Variants in MBNL2 observed in about 807,000 individuals in gnomAD.
MBNL2 encodes the protein muscleblind-like protein 2.
A neutral mutation model predicts 41.9 loss-of-function variants in MBNL2; 17 were observed. The ratio of observed to expected loss-of-function variants is 0.41; its 90% CI spans 0.28 to 0.61. The LOEUF (loss-of-function observed/expected upper bound fraction) is 0.61. Ranked by LOEUF, MBNL2 falls within the 20% of genes least tolerant of loss-of-function variation. The pLI, the probability that MBNL2 is intolerant of heterozygous loss-of-function variation, is 0.35. For missense variants in MBNL2, 336 were observed against 505.6 expected (o/e 0.66, Z 3.22); for synonymous variants, 195 against 182.9 (o/e 1.07, Z -0.53).
chr13:97,351,245 G>A (rs2062422383), intron 5 of MBNL2, among the ~76,000 whole-genome samples: 1 of 152,168 alleles, frequency 6.6e-6, no homozygotes, highest in Non-Finnish European at 1.5e-5. Flanking sequence ...AAACCATGTT[G>A]TAAATACATA....
intron 8 of MBNL2, among the ~76,000 whole-genome samples, chr13:97,382,648 A>G (rs2065567894): frequency 6.6e-6 from 1 of 150,558 alleles, no homozygotes; most frequent in African/African-American, 2.4e-5. Context: ...ATTTCTCTTG[A>G]TGCCATGGTT....
the MBNL2 span, among the ~76,000 whole-genome samples, chr13:97,171,777 T>C: frequency 6.6e-6 from 1 of 152,200 alleles, no homozygotes; most frequent in Non-Finnish European, 1.5e-5. Context: ...TCTTGAATTG[T>C]AGCTCCCATA....
At chr13:97,330,869 AG>A in intron 2 of MBNL2, among the ~76,000 whole-genome samples, 1 of 152,314 alleles carries the variant, frequency 6.6e-6, no homozygotes, top group Non-Finnish European at 1.5e-5. Flanking sequence ...AGAGTCTCCG[AG>A]GGTTTGAATT....
the MBNL2 span, among the ~76,000 whole-genome samples, chr13:97,176,475 G>A: frequency 1.3e-5 from 2 of 151,992 alleles, no homozygotes; most frequent in Non-Finnish European, 2.9e-5. Flanking sequence ...GTAGAGGGAG[G>A]CATAAAAGAT....
the MBNL2 span, among the ~76,000 whole-genome samples, chr13:97,198,936 A>T: frequency 7.9e-5 from 12 of 152,230 alleles, no homozygotes; most frequent in South Asian, 1.2e-3. Flanking sequence ...TCAGTGTGTG[A>T]GTCAGATCAG....
chr13:97,164,531 G>A, the MBNL2 span, among the ~76,000 whole-genome samples: 1 of 152,126 alleles, frequency 6.6e-6, no homozygotes. Flanking sequence ...ATGCCTAATT[G>A]CAAGTTTAGG....
At chr13:97,369,451 A>G (rs899038353) in intron 8 of MBNL2, among the ~76,000 whole-genome samples, 1 of 152,242 alleles carries the variant, frequency 6.6e-6, no homozygotes, top group African/African-American at 2.4e-5. Flanking sequence ...ACAGAATGAA[A>G]GTGAAACTAA....
chr13:97,383,088 A>G (rs532214010), intron 8 of MBNL2, among the ~76,000 whole-genome samples: 2 of 152,178 alleles, frequency 1.3e-5, no homozygotes, highest in Non-Finnish European at 2.9e-5. Flanking sequence ...ATCATATAGG[A>G]GAAGAAAAGT....
chr13:97,350,703 A>G (rs1380699449), intron 5 of MBNL2, among the ~76,000 whole-genome samples: 3 of 152,254 alleles, frequency 2.0e-5, no homozygotes, highest in Non-Finnish European at 4.4e-5. Flanking sequence ...TTAAAGTTTT[A>G]TCATGAAATT....
At chr13:97,162,208 C>T in the MBNL2 span, among the ~76,000 whole-genome samples, 1 of 152,162 alleles carries the variant, frequency 6.6e-6, no homozygotes, top group Non-Finnish European at 1.5e-5. Flanking sequence ...TCACCTCCCA[C>T]CAGGCCCCAC....
intron 8 of MBNL2, among the ~76,000 whole-genome samples, chr13:97,376,201 C>T (rs1218427919): frequency 1.2e-4 from 19 of 152,112 alleles, no homozygotes; most frequent in Admixed American, 1.2e-3. Context: ...CATTCTGAAG[C>T]AGGGAAATTC....
upstream of MBNL2, among the ~76,000 whole-genome samples, chr13:97,220,035 G>A (rs1019935393): frequency 3.9e-5 from 6 of 152,208 alleles, no homozygotes; most frequent in Non-Finnish European, 5.9e-5. Context: ...GTTTAAGAAT[G>A]ACTGCCAGGT....
At chr13:97,298,957 T>C (rs532528746) in intron 2 of MBNL2, among the ~76,000 whole-genome samples, 1 of 152,126 alleles carries the variant, frequency 6.6e-6, no homozygotes, top group Non-Finnish European at 1.5e-5. Flanking sequence ...CTGATAAGTG[T>C]AGGCAAGCTG....
chr13:97,292,367 T>C (rs759536193), intron 2 of MBNL2, among the ~76,000 whole-genome samples: 3 of 152,178 alleles, frequency 2.0e-5, no homozygotes, highest in Non-Finnish European at 4.4e-5. Flanking sequence ...AACCCAAAGC[T>C]TGGGGAGAAC....
At chr13:97,170,504 G>C in the MBNL2 span, among the ~76,000 whole-genome samples, 1 of 152,100 alleles carries the variant, frequency 6.6e-6, no homozygotes, top group African/African-American at 2.4e-5. Flanking sequence ...ATCATGGAAA[G>C]CTCGTAGGTT....
At chr13:97,146,797 G>A in the MBNL2 span, among the ~76,000 whole-genome samples, 1 of 152,148 alleles carries the variant, frequency 6.6e-6, no homozygotes, top group Non-Finnish European at 1.5e-5. Context: ...GAGCACTGAT[G>A]GATGAGGTGG....
At chr13:97,281,452 A>AT (rs1294448569) in intron 2 of MBNL2, among the ~76,000 whole-genome samples, 1 of 152,234 alleles carries the variant, frequency 6.6e-6, no homozygotes, top group Non-Finnish European at 1.5e-5. Context: ...TTCAAGCAGC[A>AT]TATGATGCAG....
the MBNL2 span, among the ~76,000 whole-genome samples, chr13:97,149,596 C>T: frequency 0.11 from 16,737 of 152,158 alleles, 1,041 homozygotes; most frequent in East Asian, 0.17. Flanking sequence ...CCTACTTTTA[C>T]AGCAGCTTAA....
In MBNL2 at chr13:97,366,887, T is replaced by C. The variant is rs999118560; in HGVS notation, c.1048+1716T>C. ...CATAAAAATTGTAGACGCGCACCCATGGGTGCTTCAAAACTGGCTATATTT... is the reference window on the plus strand; with the variant it reads ...CATAAAAATTGTAGACGCGCACCCACGGGTGCTTCAAAACTGGCTATATTT... On this transcript the variant is annotated intron_variant, in intron 8 of 8. Coordinates refer to ENST00000679496, the MANE Select transcript of MBNL2 (RefSeq NM_001382683.1). This position sits in a 1 kb window ranked among gnomAD's most constrained non-coding sequence, Gnocchi z 4.7. 6.6e-6 allele frequency among the ~76,000 whole-genome samples: 1 copy of C among 152,150 alleles called. No individual in the cohort carries two copies. Among genetic ancestry groups the C allele is most frequent in the African/African-American group, 2.4e-5 (1 of 41,434 alleles).
Sources: allele counts gnomAD v4.1 joint callset (sites outside exome capture counted in the v4.1 genomes callset), GRCh38; gene constraint gnomAD v4.1.1; non-coding constraint Gnocchi (gnomAD v3.1); transcripts MANE v1.5; gene names NCBI Gene and HGNC (gene_info 2026-07-23, HGNC 2026-07-21).